The following AKAP6 variants were observed in gnomAD, a reference collection of about 807,000 sequenced individuals.
AKAP6 encodes A-kinase anchor protein 6.
AKAP6 carries 58 observed loss-of-function variants against 188.5 expected under a neutral mutation model. The observed-to-expected ratio is 0.31, with a 90% confidence interval of 0.25 to 0.38. The LOEUF is 0.38. Among genes scored for constraint, AKAP6 ranks in the 10% least tolerant of loss-of-function variants. AKAP6 has a pLI of 1.00. For synonymous variants in AKAP6, 989 were observed against 998.6 expected (o/e 0.99, Z 0.18); for missense variants, 2,710 against 2,740.0 (o/e 0.99, Z 0.24).
At chr14:32,465,443 C>A (rs1286030382) in intron 2 of AKAP6, among the ~76,000 whole-genome samples, 1 of 152,138 alleles carries the variant, frequency 6.6e-6, no homozygotes, top group Non-Finnish European at 1.5e-5. Context: ...CACACATCTA[C>A]AACCAACTGA....
chr14:32,724,438 A>G (rs921386273), intron 9 of AKAP6, among the ~76,000 whole-genome samples: 2 of 152,206 alleles, frequency 1.3e-5, no homozygotes, highest in Non-Finnish European at 2.9e-5. Flanking sequence ...CCAGGAATTC[A>G]CATCCTTGGT....
intron 7 of AKAP6, among the ~76,000 whole-genome samples, chr14:32,667,064 T>C (rs1888974617): frequency 6.6e-6 from 1 of 152,104 alleles, no homozygotes; most frequent in Admixed American, 6.6e-5. Context: ...AGAAAATGCA[T>C]GGAGAAATAT....
intron 1 of AKAP6, among the ~76,000 whole-genome samples, chr14:32,336,688 T>G (rs1886713741): frequency 6.6e-6 from 1 of 152,184 alleles, no homozygotes; most frequent in African/African-American, 2.4e-5. Context: ...TCCAATTTCT[T>G]GATTTAAGTG....
chr14:32,608,513 A>C (rs1388339212), intron 7 of AKAP6, among the ~76,000 whole-genome samples: 1 of 151,772 alleles, frequency 6.6e-6, no homozygotes, highest in Non-Finnish European at 1.5e-5. Context: ...AAAAAAAAAA[A>C]AAAAGCATAG....
intron 7 of AKAP6, among the ~76,000 whole-genome samples, chr14:32,602,017 G>A (rs908996071): frequency 3.3e-5 from 5 of 152,206 alleles, no homozygotes; most frequent in Admixed American, 3.3e-4. Flanking sequence ...CTTGAAGGAA[G>A]GAGGAGAGGT....
In AKAP6 at chr14:32,545,782, T is replaced by A. The variant is rs1238099248; in HGVS notation, c.1129T>A (p.Phe377Ile). 2 of 1,614,232 alleles carry A rather than the reference T, an allele frequency of 1.2e-6. No homozygotes were observed. Among genetic ancestry groups the A allele is most frequent in the African/African-American group, 1.3e-5 (1 of 75,066 alleles). ...ATPKRTIRDC[F>I]NYNEDSPTQP... Reference sequence around the variant, plus strand: ...CCCCAAACGAACCATCAGAGATTGCTTTAATTATAACGAGGACTCTCCCAC... The same window carrying A: ...CCCCAAACGAACCATCAGAGATTGCATTAATTATAACGAGGACTCTCCCAC... Residue 377 changes from phenylalanine to isoleucine, a missense_variant, in exon 4 of 14, where the codon TTT becomes ATT. Transcript: ENST00000280979.
At chr14:32,481,265 A>G (rs1879325343) in intron 2 of AKAP6, among the ~76,000 whole-genome samples, 1 of 152,160 alleles carries the variant, frequency 6.6e-6, no homozygotes, top group Non-Finnish European at 1.5e-5. Context: ...CCCTACCCCT[A>G]TTCTCCTGCC....
intron 12 of AKAP6, among the ~76,000 whole-genome samples, chr14:32,819,496 A>T (rs985441236): frequency 3.3e-5 from 5 of 152,218 alleles, no homozygotes; most frequent in African/African-American, 7.2e-5. Flanking sequence ...CTAGCCTGTT[A>T]TGCTGTGTGA....
At chr14:32,626,508 C>G (rs1887031238) in intron 7 of AKAP6, among the ~76,000 whole-genome samples, 1 of 152,118 alleles carries the variant, frequency 6.6e-6, no homozygotes, top group Admixed American at 6.6e-5. Context: ...CTTGATCCAG[C>G]ACGAAATCGC....
At chr14:32,778,569 C>T (rs577871836) in intron 12 of AKAP6, among the ~76,000 whole-genome samples, 3 of 151,576 alleles carry the variant, frequency 2.0e-5, no homozygotes, top group African/African-American at 4.8e-5. Context: ...TTTTTAGATA[C>T]GGGGTCTTAC....
At position 32,822,073 on chromosome 14, in the gene AKAP6, T is replaced by G; in HGVS notation, c.4260T>G (p.Ile1420Met). The G allele has an allele frequency of 6.2e-7, 1 of 1,613,936 alleles. No individual in the cohort carries two copies. The highest frequency in any genetic ancestry group is 8.5e-7 in the Non-Finnish European group (1 of 1,179,942). Reference protein sequence around the residue: ...KQKFTDEGESIKLPNSSQSSI... With the variant: ...KQKFTDEGESMKLPNSSQSSI... ...AATTTACAGATGAGGGGGAAAGCATTAAGCTTCCAAATAGCTCTCAGTCGT... is the reference window on the plus strand; with the variant it reads ...AATTTACAGATGAGGGGGAAAGCATGAAGCTTCCAAATAGCTCTCAGTCGT... The change falls in exon 13 of 14, where the codon ATT becomes ATG. Residue 1420 changes from isoleucine to methionine, a missense_variant. This residue lies in a region of AKAP6 where 2,473 missense variants were observed against 2,426.1 expected (regional missense o/e 1.02). Transcript: ENST00000280979.
At chr14:32,344,359 A>G (rs574370951) in intron 1 of AKAP6, among the ~76,000 whole-genome samples, 2 of 150,950 alleles carry the variant, frequency 1.3e-5, no homozygotes, top group South Asian at 2.1e-4. Flanking sequence ...TGATTGTGCC[A>G]TGATTGTGCA....
intron 1 of AKAP6, among the ~76,000 whole-genome samples, chr14:32,406,943 A>G (rs1250937829): frequency 6.6e-6 from 1 of 152,218 alleles, no homozygotes; most frequent in Non-Finnish European, 1.5e-5. Context: ...ATTCTACATA[A>G]CAAATGAAAA....
chr14:32,531,038 T>C (rs1406872500), intron 2 of AKAP6, among the ~76,000 whole-genome samples: 3 of 152,176 alleles, frequency 2.0e-5, no homozygotes, highest in Non-Finnish European at 1.5e-5. Flanking sequence ...GCAGCTTCAA[T>C]TTTGAGACAG....
chr14:32,610,010 G>A (rs1252793027), intron 7 of AKAP6, among the ~76,000 whole-genome samples: 1 of 152,116 alleles, frequency 6.6e-6, no homozygotes, highest in Non-Finnish European at 1.5e-5. Flanking sequence ...TAACCATTGT[G>A]TGTGGGTGTG....
intron 1 of AKAP6, among the ~76,000 whole-genome samples, chr14:32,410,151 C>CT (rs892385023): frequency 6.6e-6 from 1 of 151,390 alleles, no homozygotes; most frequent in African/African-American, 2.4e-5. Context: ...CCTTCCCCTC[C>CT]TTTTTTTTTC....
chr14:32,619,660 T>G (rs2139414047), intron 7 of AKAP6, among the ~76,000 whole-genome samples: 1 of 152,310 alleles, frequency 6.6e-6, no homozygotes, highest in South Asian at 2.1e-4. Context: ...TCTGGGCTCT[T>G]CTTTGGTTCC....
At chr14:32,433,313 C>A in intron 1 of AKAP6, 147 bp from the exon 2 acceptor site, 1 of 607,434 alleles carries the variant, frequency 1.6e-6, no homozygotes, top group Non-Finnish European at 2.8e-6. Flanking sequence ...AAAATCAAAA[C>A]ACCTCTTTCT....
intron 11 of AKAP6, among the ~76,000 whole-genome samples, chr14:32,739,661 T>C (rs943920371): frequency 6.6e-6 from 1 of 152,138 alleles, no homozygotes; most frequent in African/African-American, 2.4e-5. Flanking sequence ...CTTAACAAAA[T>C]GATCTCTGGT....
Sources: gnomAD v4.1 joint callset for allele counts (sites outside exome capture counted in the v4.1 genomes callset) on GRCh38, gnomAD v4.1.1 for gene constraint, gnomAD v4.1.1 regional missense constraint, MANE v1.5 for transcripts, NCBI Gene and HGNC (gene_info 2026-07-23, HGNC 2026-07-21) for gene names.